The following PDE8A variants were observed in gnomAD, a reference collection of about 807,000 sequenced individuals.
The protein encoded by PDE8A is high affinity cAMP-specific and IBMX-insensitive 3',5'-cyclic phosphodiesterase 8A.
In PDE8A, 59 loss-of-function variants were observed where a neutral mutation model predicts 105.0. The ratio of observed to expected loss-of-function variants is 0.56; its 90% CI spans 0.46 to 0.70. The LOEUF is 0.70. Among genes scored for constraint, PDE8A ranks in the 30% least tolerant of loss-of-function variants. The pLI is 0.00. For missense variants in PDE8A, 1,014 were observed against 1,045.9 expected (o/e 0.97, Z 0.42); for synonymous variants, 355 against 371.9 (o/e 0.95, Z 0.52).
chr15:85,057,093 T>C (rs531873214), intron 1 of PDE8A, among the ~76,000 whole-genome samples: 4 of 152,300 alleles, frequency 2.6e-5, no homozygotes, highest in East Asian at 1.9e-4. Context: ...CTCCAGACCC[T>C]GTTTGCCTGG....
chr15:85,074,096 A>G (rs2141477167), intron 3 of PDE8A, among the ~76,000 whole-genome samples: 1 of 152,326 alleles, frequency 6.6e-6, no homozygotes, highest in South Asian at 2.1e-4. Context: ...AGAAGTGAAC[A>G]TGAGAGAGAC....
intron 11 of PDE8A, 161 bp downstream of exon 11, chr15:85,100,359 T>A: frequency 3.1e-6 from 2 of 647,870 alleles, no homozygotes; most frequent in South Asian, 3.9e-5. Flanking sequence ...GAGTCACTTG[T>A]ACAGAGGACT....
At chr15:85,115,892 C>A in intron 15 of PDE8A, 92 bp from the exon 16 acceptor site, 3 of 1,152,990 alleles carry the variant, frequency 2.6e-6, no homozygotes, top group Non-Finnish European at 3.7e-6. Context: ...AACACTCCAG[C>A]CTGGGCAACA....
At chr15:85,007,361 A>G (rs1255281057) in intron 1 of PDE8A, among the ~76,000 whole-genome samples, 1 of 151,036 alleles carries the variant, frequency 6.6e-6, no homozygotes, top group Non-Finnish European at 1.5e-5. Context: ...GGCAAAACAG[A>G]TCTGTGCTGT....
intron 6 of PDE8A, among the ~76,000 whole-genome samples, 192 bp downstream of exon 6, chr15:85,083,836 T>A (rs1399693229): frequency 6.6e-6 from 1 of 152,206 alleles, no homozygotes; most frequent in Non-Finnish European, 1.5e-5. Flanking sequence ...TTTTAGTGAT[T>A]AGAGACTCAC....
chr15:85,065,789 T>C lies in PDE8A; in HGVS notation c.244-1225T>C, dbSNP rs539917103. On this transcript the variant is annotated intron_variant, in intron 2 of 21. Coordinates refer to ENST00000394553, the MANE Select transcript of PDE8A (RefSeq NM_002605.3). ...GGAGCACGGGTGCTCCTGAACCAGA[T>C]TGGGAGTGGGAATAGCAGGGAGAGA... 3.0e-3 allele frequency among the ~76,000 whole-genome samples: 450 copies of C among 152,234 alleles called. 2 individuals carry two copies. Among genetic ancestry groups the C allele is most frequent in the African/African-American group, 0.01 (425 of 41,544 alleles).
chr15:85,132,696 A>G (rs1230624523), intron 20 of PDE8A, among the ~76,000 whole-genome samples: 1 of 152,176 alleles, frequency 6.6e-6, no homozygotes, highest in Non-Finnish European at 1.5e-5. Flanking sequence ...ACCTCAGGTG[A>G]TCCACCCACC....
chr15:85,097,988 A>T lies in PDE8A; in HGVS notation c.893A>T (p.Asp298Val), dbSNP rs1217088177. Residue 298 changes from aspartate (D) to valine (V), a missense_variant, in exon 9 of 22, where the codon GAT becomes GTT. Asp to Val is a radical substitution (Grantham distance 152). Transcript: ENST00000394553. The part of the protein sequence containing the change: ...GIYYAKKKNG[D>V]NIQQNVKIIP... ...TACTATGCCAAAAAGAAAAACGGAG[A>T]TAATATACAACAAAATGTGAAGATA... 6.2e-7 allele frequency: 1 copy of T among 1,604,458 alleles called. No individual in the cohort carries two copies. Among genetic ancestry groups the T allele is most frequent in the Admixed American group, 1.7e-5 (1 of 59,950 alleles).
intron 5 of PDE8A, among the ~76,000 whole-genome samples, chr15:85,082,187 C>G (rs2081477842): frequency 6.6e-6 from 1 of 152,054 alleles, no homozygotes. Context: ...GCATACTCCT[C>G]CCTTCTCAGT....
chr15:85,112,304 A>C (rs191068816), intron 12 of PDE8A, among the ~76,000 whole-genome samples: 43 of 152,294 alleles, frequency 2.8e-4, no homozygotes, highest in African/African-American at 1.0e-3. Flanking sequence ...TTTTGTGGTG[A>C]GAACACTTAA....
chr15:85,094,153 A>G (rs974366625), intron 8 of PDE8A, among the ~76,000 whole-genome samples: 2 of 152,012 alleles, frequency 1.3e-5, no homozygotes, highest in African/African-American at 2.4e-5. Context: ...GTGAGCCACC[A>G]TGCTTGGCCT....
intron 20 of PDE8A, 152 bp from the exon 21 acceptor site, chr15:85,136,382 G>T (rs1479982118): frequency 9.4e-5 from 68 of 719,898 alleles, no homozygotes; most frequent in Non-Finnish European, 1.2e-4. Context: ...TCTGTTATGA[G>T]ACATGGTTTG....
At chr15:85,043,740 C>T (rs1230608177) in intron 1 of PDE8A, among the ~76,000 whole-genome samples, 1 of 151,974 alleles carries the variant, frequency 6.6e-6, no homozygotes, top group Non-Finnish European at 1.5e-5. Flanking sequence ...CTCTGTCGCC[C>T]AGGCTGGAGT....
intron 9 of PDE8A, among the ~76,000 whole-genome samples, chr15:85,099,430 T>C (rs1231258368): frequency 1.3e-5 from 2 of 152,242 alleles, no homozygotes; most frequent in Non-Finnish European, 2.9e-5. Context: ...TTTGCCCTTT[T>C]ATGTCCTTTC....
intron 1 of PDE8A, 127 bp from the exon 2 acceptor site, chr15:85,064,243 C>T (rs2081187517): frequency 3.2e-6 from 2 of 623,536 alleles, no homozygotes; most frequent in Non-Finnish European, 5.7e-6. Flanking sequence ...CATTTATCTA[C>T]TATTTACTTT....
intron 1 of PDE8A, among the ~76,000 whole-genome samples, chr15:85,059,864 C>G (rs2081117067): frequency 6.6e-6 from 1 of 152,060 alleles, no homozygotes; most frequent in South Asian, 2.1e-4. Context: ...AAAAATTAAC[C>G]AGATGAGGTG....
chr15:85,139,092 G>A lies in PDE8A; in HGVS notation c.*1189G>A, dbSNP rs1334123754. On this transcript the variant is annotated 3_prime_UTR_variant, in exon 22 of 22. Transcript: ENST00000394553. The stretch of plus-strand genomic sequence containing the variant: ...GTCATTTCATTTTAAACTCGTATTT[G>A]TGGTTTTTTTCCCAGATAAAAATGA... 2 of 151,926 alleles carry A rather than the reference G, an allele frequency of 1.3e-5. No homozygotes were observed. The highest frequency in any genetic ancestry group is 2.1e-4 in the South Asian group (1 of 4,822). 9.4% of individuals were successfully genotyped at this position (151,926 alleles called of 1,614,324 possible).
intron 1 of PDE8A, among the ~76,000 whole-genome samples, chr15:85,029,348 T>G (rs1324279646): frequency 6.6e-6 from 1 of 151,952 alleles, no homozygotes; most frequent in Non-Finnish European, 1.5e-5. Context: ...TTTCCTGTTT[T>G]CAATGCCTTT....
At chr15:85,068,217 T>G (rs2015233) in intron 3 of PDE8A, among the ~76,000 whole-genome samples, 13,451 of 152,002 alleles carry the variant, frequency 0.088, 1,652 homozygotes, top group African/African-American at 0.28. Flanking sequence ...ATTTTGTATT[T>G]TTAATAGAGA....
Sources: gnomAD v4.1 joint callset for allele counts (sites outside exome capture counted in the v4.1 genomes callset) on GRCh38, gnomAD v4.1.1 for gene constraint, MANE v1.5 for transcripts, NCBI Gene and HGNC (gene_info 2026-07-23, HGNC 2026-07-21) for gene names.